The following OSBPL5 variants were observed in gnomAD, a reference collection of about 807,000 sequenced individuals.
OSBPL5 encodes the protein oxysterol-binding protein-related protein 5.
OSBPL5 carries 71 observed loss-of-function variants against 111.2 expected under a neutral mutation model. That is an observed-to-expected ratio of 0.64 (90% CI 0.53 to 0.78). The LOEUF (loss-of-function observed/expected upper bound fraction) is 0.78, where lower values mean the gene tolerates loss of function less well. Ranked by LOEUF, OSBPL5 falls within the 30% of genes least tolerant of loss-of-function variation. OSBPL5 has a pLI of 0.00. For synonymous variants in OSBPL5, 549 were observed against 513.9 expected (o/e 1.07, Z -0.93); for missense variants, 1,210 against 1,189.3 (o/e 1.02, Z -0.26).
intron 4 of OSBPL5, 41 bp from the exon 5 acceptor site, chr11:3,122,139 C>A: frequency 1.3e-6 from 2 of 1,522,790 alleles, no homozygotes; most frequent in Non-Finnish European, 1.8e-6. Context: ...GGAGAAGGCA[C>A]CGAGCTGCCC....
At position 3,088,175 on chromosome 11, in the gene OSBPL5, G is replaced by C; in HGVS notation, c.*30C>G. 1 of 1,532,832 alleles carries C rather than the reference G, an allele frequency of 6.5e-7. No individual in the cohort carries two copies. The highest frequency in any genetic ancestry group is 2.4e-5 in the East Asian group (1 of 41,790). The allele number at this position is 1,532,832 out of a possible 1,614,324, so 95.0% of individuals were successfully genotyped here. On this transcript the variant is annotated 3_prime_UTR_variant, in exon 22 of 22. Transcript: ENST00000263650. ...TGGGTGCCTGGGAGGGAGGGCTCAGGACCGGCCAGGAGCTCTGCCCTCAGG... is the reference window on the plus strand; with the variant it reads ...TGGGTGCCTGGGAGGGAGGGCTCAGCACCGGCCAGGAGCTCTGCCCTCAGG...
At chr11:3,164,231 C>T (rs1564873741) in intron 1 of OSBPL5, 1 of 152,394 alleles carries the variant, frequency 6.6e-6, no homozygotes, top group Non-Finnish European at 1.5e-5. Context: ...AGTTGCGAAA[C>T]GGCAAGAGAG....
chr11:3,099,834 C>G (rs184423603), intron 14 of OSBPL5, among the ~76,000 whole-genome samples: 3 of 151,916 alleles, frequency 2.0e-5, no homozygotes, highest in Non-Finnish European at 2.9e-5. Context: ...TTTGGGAGGC[C>G]GAGGCGGGCG....
chr11:3,123,602 C>T (rs1261337916), intron 3 of OSBPL5, among the ~76,000 whole-genome samples: 2 of 152,196 alleles, frequency 1.3e-5, no homozygotes, highest in Non-Finnish European at 2.9e-5. Flanking sequence ...TGGGCGTCTG[C>T]GGGTGCTCAG....
rs1564829632 is a variant in OSBPL5 at position 3,103,726 on chromosome 11, G to GCCCCTTCCTGCCTCTGCAGC, written c.1245-407_1245-406insGCTGCAGAGGCAGGAAGGGG. On this transcript the variant is annotated intron_variant, in intron 10 of 21. Transcript: ENST00000263650. ...TGCGTACCCCCTTCCAGGCTCTGCT[G>GCCCCTTCCTGCCTCTGCAGC]CCCCTTCCTGCCTCTGCAACCCTCT... 4.1e-5 allele frequency among the ~76,000 whole-genome samples: 3 copies of GCCCCTTCCTGCCTCTGCAGC among 73,084 alleles called. No homozygotes were observed. The Admixed American group carries it at 5.2e-4, about 13-fold the overall frequency. The allele number at this position is 73,084 out of a possible 152,430, so 47.9% of individuals were successfully genotyped here.
Position 3,109,453 on chromosome 11 carries a change from G to T in OSBPL5, c.692-1508C>A, listed in dbSNP as rs902981248. On this transcript the variant is annotated intron_variant, in intron 7 of 21. Coordinates refer to ENST00000263650, the MANE Select transcript of OSBPL5 (RefSeq NM_020896.4). This position sits in a 1 kb window ranked among gnomAD's most constrained non-coding sequence, Gnocchi z 7.4. ...GATGGGGCTGAAGAGCATTGAAGGC[G>T]GTTCTGTGCCTCTCTGAGCCTCTGC... Among the ~76,000 whole-genome samples, 1 of 152,192 alleles carries T rather than the reference G, an allele frequency of 6.6e-6. No homozygotes were observed. The highest frequency in any genetic ancestry group is 6.5e-5 in the Admixed American group (1 of 15,286).
rs150236631 is a variant in OSBPL5, at chr11:3,109,452, C to T, written c.692-1507G>A. 4.6e-4 allele frequency among the ~76,000 whole-genome samples: 70 copies of T among 152,262 alleles called. No individual in the cohort carries two copies. The highest frequency in any genetic ancestry group is 2.5e-3 in the East Asian group (13 of 5,180). On this transcript the variant is annotated intron_variant, in intron 7 of 21. Transcript: ENST00000263650. The surrounding 1 kb of genome is among the most constrained non-coding windows in gnomAD (Gnocchi z 7.4). Reference sequence around the variant, plus strand: ...GGATGGGGCTGAAGAGCATTGAAGGCGGTTCTGTGCCTCTCTGAGCCTCTG... The same window carrying T: ...GGATGGGGCTGAAGAGCATTGAAGGTGGTTCTGTGCCTCTCTGAGCCTCTG...
In OSBPL5 at chr11:3,105,198, A is replaced by G. The variant is rs1002905529; in HGVS notation, c.1060-821T>C. On this transcript the variant is annotated intron_variant, in intron 9 of 21. Coordinates refer to ENST00000263650, the MANE Select transcript of OSBPL5 (RefSeq NM_020896.4). The surrounding 1 kb of genome is among the most constrained non-coding windows in gnomAD (Gnocchi z 5.2). ...ACGGCTGCTATGCGGCAGAGGTCAG[A>G]TCTGAACTCAGGGCTCTCTGCATTT... Among the ~76,000 whole-genome samples, 2 of 152,198 alleles carry G rather than the reference A, an allele frequency of 1.3e-5. No individual in the cohort carries two copies. The highest frequency in any genetic ancestry group is 2.9e-5 in the Non-Finnish European group (2 of 68,036).
rs779620164 is a variant in OSBPL5, at chr11:3,122,430, TGAAA to T, written c.220-6_220-3del. 2.2e-5 allele frequency: 35 copies of T among 1,613,362 alleles called. No homozygotes were observed. In the African/African-American group the frequency reaches 3.3e-4, roughly 15 times the overall value. ...CCCGTTGCACAGCCTGTACTCTGCCTGAAAGAGAGAGGTGGGTATGCGGGACAGG... is the reference window on the plus strand; with the variant it reads ...CCCGTTGCACAGCCTGTACTCTGCCTGAGAGAGGTGGGTATGCGGGACAGG... On this transcript the variant is annotated splice_polypyrimidine_tract_variant and splice_region_variant and intron_variant, in intron 3 of 21. Coordinates refer to ENST00000263650, the MANE Select transcript of OSBPL5 (RefSeq NM_020896.4).
Position 3,154,151 on chromosome 11 carries a change from G to GGAGGT in OSBPL5, c.-22+11060_-22+11064dup, listed in dbSNP as rs1219058022. On this transcript the variant is annotated intron_variant, in intron 1 of 21. Transcript: ENST00000263650. This position sits in a 1 kb window ranked among gnomAD's most constrained non-coding sequence, Gnocchi z 4.9. ...GTGTGGTGTCCAGAGAGCTGCTGTA[G>GGAGGT]GAGGTGTTTGCTAGACTGGGCCAGA... 6.6e-6 allele frequency among the ~76,000 whole-genome samples: 1 copy of GGAGGT among 152,382 alleles called. No individual in the cohort carries two copies. Among genetic ancestry groups the GGAGGT allele is most frequent in the Non-Finnish European group, 1.5e-5 (1 of 68,034 alleles).
Position 3,137,873 on chromosome 11 carries a change from G to A in OSBPL5, c.-21-8704C>T, listed in dbSNP as rs530336190. 4.6e-5 allele frequency among the ~76,000 whole-genome samples: 7 copies of A among 152,352 alleles called. No homozygotes were observed. In the South Asian group the frequency reaches 1.0e-3, roughly 23 times the overall value. On this transcript the variant is annotated intron_variant, in intron 1 of 21. Coordinates refer to ENST00000263650, the MANE Select transcript of OSBPL5 (RefSeq NM_020896.4). ...TCTAAGGTCTCGTGGGCCAGGCTGC[G>A]CCTGGGATCCCCTCAAAGGAGCACA...
chr11:3,119,674 G>A (rs781205316), intron 6 of OSBPL5, 43 bp from the exon 7 acceptor site: 15 of 1,555,502 alleles, frequency 9.6e-6, no homozygotes, highest in Non-Finnish European at 1.1e-5. Context: ...GCAACACCCA[G>A]GGCCAGCTGC....
chr11:3,090,820 G>T, intron 19 of OSBPL5, 124 bp from the exon 20 acceptor site: 1 of 1,316,500 alleles, frequency 7.6e-7, no homozygotes, highest in Non-Finnish European at 1.0e-6. Context: ...GAGGGCAGCT[G>T]CTGGGCTGTG....
intron 1 of OSBPL5, among the ~76,000 whole-genome samples, chr11:3,132,841 G>C (rs1030266959): frequency 6.6e-6 from 1 of 152,244 alleles, no homozygotes; most frequent in South Asian, 2.1e-4. Flanking sequence ...AGGGGTGGTG[G>C]GGTCTGATCA....
intron 2 of OSBPL5, among the ~76,000 whole-genome samples, chr11:3,128,693 C>T (rs1858719542): frequency 6.6e-6 from 1 of 152,024 alleles, no homozygotes; most frequent in Admixed American, 6.5e-5. Flanking sequence ...GGGCTCAGGC[C>T]ACCTGTCCCT....
chr11:3,154,432 C>T lies in OSBPL5; in HGVS notation c.-22+10784G>A, dbSNP rs918456975. On this transcript the variant is annotated intron_variant, in intron 1 of 21. Coordinates refer to ENST00000263650, the MANE Select transcript of OSBPL5 (RefSeq NM_020896.4). This position sits in a 1 kb window ranked among gnomAD's most constrained non-coding sequence, Gnocchi z 4.9. ...GGAAGGGTGAGCATGCGCCTGCTGA[C>T]GCTTCGTTCACCAAGCGGGGGGCCT... 3.9e-5 allele frequency among the ~76,000 whole-genome samples: 6 copies of T among 152,254 alleles called. No individual in the cohort carries two copies. In the South Asian group the frequency reaches 8.3e-4, roughly 21 times the overall value.
intron 1 of OSBPL5, among the ~76,000 whole-genome samples, chr11:3,143,005 CA>C (rs1461393651): frequency 2.4e-3 from 184 of 77,150 alleles, no homozygotes; most frequent in Non-Finnish European, 3.7e-3. Context: ...GAGGCAGGTG[CA>C]GAGGGGGGCA....
chr11:3,164,262 G>T (rs1037432984), intron 1 of OSBPL5: 3 of 152,358 alleles, frequency 2.0e-5, no homozygotes, highest in Admixed American at 6.5e-5. Flanking sequence ...CAGCCGCTTC[G>T]GCGGGGCAGA....
At chr11:3,153,527 T>C (rs2134547897) in intron 1 of OSBPL5, among the ~76,000 whole-genome samples, 1 of 152,306 alleles carries the variant, frequency 6.6e-6, no homozygotes, top group South Asian at 2.1e-4. Context: ...ATTCCTGCTC[T>C]GGCAAGCTGC....
Sources: allele counts gnomAD v4.1 joint callset (sites outside exome capture counted in the v4.1 genomes callset), GRCh38; gene constraint gnomAD v4.1.1; non-coding constraint Gnocchi (gnomAD v3.1); transcripts MANE v1.5; gene names NCBI Gene and HGNC (gene_info 2026-07-23, HGNC 2026-07-21).